UTRN: variants seen among roughly 807,000 people sequenced by gnomAD.
UTRN encodes the protein dystrophin-related protein 1.
In UTRN, 283 loss-of-function variants were observed where a neutral mutation model predicts 463.9. The observed-to-expected ratio is 0.61, with a 90% CI of 0.55 to 0.67. The LOEUF is 0.67. UTRN is among the 30% of genes least tolerant of loss of function. UTRN has a pLI of 0.00. For synonymous variants in UTRN, 1,442 were observed against 1,431.5 expected (o/e 1.01, Z -0.17); for missense variants, 3,922 against 4,084.3 (o/e 0.96, Z 1.08).
intron 2 of UTRN, among the ~76,000 whole-genome samples, chr6:144,381,227 T>C (rs773519192): frequency 1.3e-5 from 2 of 152,174 alleles, no homozygotes; most frequent in Non-Finnish European, 2.9e-5. Flanking sequence ...TATATATCCA[T>C]GTGTTGTCAT....
In UTRN at chr6:144,428,808, C is replaced by A; in HGVS notation, c.609C>A (p.Val203=). ...KPDLFSWDKV[V]KMSPIERLEH... ...ATCTCTTCAGCTGGGATAAAGTTGT[C>A]AAAATGTCACCAATTGAGAGACTTG... is the stretch of plus-strand genomic sequence containing the variant. The change falls in exon 8 of 75, where the codon GTC becomes GTA. Residue 203 remains valine, a synonymous_variant. Transcript: ENST00000367545. 1.2e-6 allele frequency: 2 copies of A among 1,610,630 alleles called. No individual in the cohort carries two copies. Among genetic ancestry groups the A allele is most frequent in the South Asian group, 1.1e-5 (1 of 90,186 alleles).
chr6:144,437,686 T>G lies in UTRN; in HGVS notation c.1181T>G (p.Met394Arg). Residue 394 changes from methionine (M) to arginine (R), a missense_variant, in exon 11 of 75, where the codon ATG becomes AGG. Physicochemically the swap from Met to Arg is moderately conservative, Grantham distance 91. Around this residue, in one of 3 missense-constraint regions of UTRN, gnomAD observed 2,349 missense variants for 2,303.8 expected, o/e 1.02. Transcript: ENST00000367545. Reference protein sequence around the residue: ...DEEEFEIQEQMTLLNARWEAL... With the variant: ...DEEEFEIQEQRTLLNARWEAL... ...GAAGAATTTGAGATTCAGGAACAGA[T>G]GACCCTGCTGAATGCTAGATGGGAG... 6.2e-7 allele frequency: 1 copy of G among 1,614,180 alleles called. No individual in the cohort carries two copies. The highest frequency in any genetic ancestry group is 8.5e-7 in the Non-Finnish European group (1 of 1,180,034).
At chr6:144,679,931 T>C (rs940380542) in intron 52 of UTRN, among the ~76,000 whole-genome samples, 1 of 152,134 alleles carries the variant, frequency 6.6e-6, no homozygotes, top group Admixed American at 6.6e-5. Context: ...TAGGTCAGCA[T>C]TGGCCAACTA....
In UTRN at chr6:144,495,268, G is replaced by A. The variant is rs1046634306; in HGVS notation, c.4593+1812G>A. On this transcript the variant is annotated intron_variant, in intron 33 of 74. Transcript: ENST00000367545. ...AGGGGGTGGGAGGCTCAGGAATGGCGGGCTGCAGGTCCCGAGCCCTGCCCC... is the reference window on the plus strand; with the variant it reads ...AGGGGGTGGGAGGCTCAGGAATGGCAGGCTGCAGGTCCCGAGCCCTGCCCC... Among the ~76,000 whole-genome samples, 18 of 152,332 alleles carry A rather than the reference G, an allele frequency of 1.2e-4. No homozygotes were observed. In the Middle Eastern group the frequency reaches 0.01, roughly 86 times the overall value.
chr6:144,728,332 C>A (rs535636395), intron 53 of UTRN, among the ~76,000 whole-genome samples: 15 of 152,016 alleles, frequency 9.9e-5, no homozygotes, highest in African/African-American at 3.4e-4. Flanking sequence ...CTTGCTCTAA[C>A]AACATAATAA....
intron 51 of UTRN, among the ~76,000 whole-genome samples, chr6:144,618,803 C>T (rs1775047827): frequency 6.6e-6 from 1 of 152,032 alleles, no homozygotes; most frequent in African/African-American, 2.4e-5. Context: ...AAGCATGGTG[C>T]TGTATCATTA....
At chr6:144,687,081 T>C (rs928800103) in intron 52 of UTRN, among the ~76,000 whole-genome samples, 1 of 152,190 alleles carries the variant, frequency 6.6e-6, no homozygotes, top group African/African-American at 2.4e-5. Flanking sequence ...GGTCTTGTAT[T>C]GACTTGCATA....
At chr6:144,652,527 C>T (rs576314020) in intron 51 of UTRN, among the ~76,000 whole-genome samples, 165 of 152,168 alleles carry the variant, frequency 1.1e-3, no homozygotes, top group Middle Eastern at 3.2e-3. Context: ...AAAGATAAAG[C>T]GATGCTTCAA....
At chr6:144,828,676 A>G in intron 68 of UTRN, 114 bp from the exon 69 acceptor site, 1 of 1,044,320 alleles carries the variant, frequency 9.6e-7, no homozygotes. Flanking sequence ...GGAGATTTGG[A>G]TCTTTCTATG....
intron 51 of UTRN, among the ~76,000 whole-genome samples, chr6:144,605,618 C>T (rs535507070): frequency 1.4e-4 from 21 of 151,182 alleles, no homozygotes; most frequent in African/African-American, 4.1e-4. Flanking sequence ...TACTTTAAAA[C>T]GCTACAGTCC....
intron 50 of UTRN, among the ~76,000 whole-genome samples, chr6:144,568,039 A>G (rs1465495400): frequency 6.6e-6 from 1 of 152,194 alleles, no homozygotes; most frequent in Non-Finnish European, 1.5e-5. Context: ...ATAGGGTGTC[A>G]TAGCTGCTTT....
At chr6:144,476,428 AC>A (rs760542715) in intron 25 of UTRN, among the ~76,000 whole-genome samples, 1 of 152,040 alleles carries the variant, frequency 6.6e-6, no homozygotes, top group Non-Finnish European at 1.5e-5. Context: ...TAAAGAAGAG[AC>A]CTAAGGAAAG....
At position 144,459,026 on chromosome 6, in the gene UTRN, G is replaced by T. The variant is rs765080460; in HGVS notation, c.2526+15G>T. 1.5e-5 allele frequency: 23 copies of T among 1,585,324 alleles called. No homozygotes were observed. The highest frequency in any genetic ancestry group is 1.9e-5 in the Non-Finnish European group (22 of 1,167,334). On this transcript the variant is annotated intron_variant, in intron 20 of 74. Coordinates refer to ENST00000367545, the MANE Select transcript of UTRN (RefSeq NM_007124.3). ...ATTCCTGTCAGGTAAGGAGCCAACG[G>T]TCTGGAAAGTGGAGGAATTCTATGT...
chr6:144,686,352 T>C (rs940867038), intron 52 of UTRN, among the ~76,000 whole-genome samples: 15 of 152,148 alleles, frequency 9.9e-5, no homozygotes, highest in South Asian at 2.1e-4. Context: ...GATGAGAGGA[T>C]TGTATATTCT....
chr6:144,677,202 A>T (rs1478013486), intron 51 of UTRN, among the ~76,000 whole-genome samples: 1 of 152,072 alleles, frequency 6.6e-6, no homozygotes, highest in Non-Finnish European at 1.5e-5. Flanking sequence ...GCACCTATCA[A>T]CCCATCATCT....
At chr6:144,686,282 T>C (rs75880598) in intron 52 of UTRN, among the ~76,000 whole-genome samples, 8,015 of 152,244 alleles carry the variant, frequency 0.053, 313 homozygotes, top group African/African-American at 0.11. Context: ...TTTTGATTTT[T>C]AAAAATTAAT....
intron 51 of UTRN, among the ~76,000 whole-genome samples, chr6:144,665,956 A>G (rs1780344527): frequency 6.6e-6 from 1 of 152,176 alleles, no homozygotes; most frequent in Admixed American, 6.5e-5. Flanking sequence ...TGACTGGCTT[A>G]TGTTAAATGC....
At chr6:144,459,049 T>C in intron 20 of UTRN, 38 bp downstream of exon 20, 2 of 1,573,574 alleles carry the variant, frequency 1.3e-6, no homozygotes, top group South Asian at 1.2e-5. Context: ...AGGAATTCTA[T>C]GTGCAGTTCC....
intron 1 of UTRN, among the ~76,000 whole-genome samples, chr6:144,289,243 T>A (rs615755): frequency 1.3e-5 from 2 of 151,952 alleles, no homozygotes; most frequent in Non-Finnish European, 2.9e-5. Context: ...CCTAATTGCC[T>A]AAGCCAAAAT....
Sources: allele counts gnomAD v4.1 joint callset (sites outside exome capture counted in the v4.1 genomes callset), GRCh38; gene constraint gnomAD v4.1.1; regional missense constraint gnomAD v4.1.1; transcripts MANE v1.5; gene names NCBI Gene and HGNC (gene_info 2026-07-23, HGNC 2026-07-21).